Variants in DOCK3 observed in about 807,000 individuals in gnomAD.
DOCK3 encodes dedicator of cytokinesis 3, also known as dedicator of cytokinesis protein 3.
In DOCK3, 60 loss-of-function variants were observed where a neutral mutation model predicts 265.6. The ratio of observed to expected loss-of-function variants is 0.23; its 90% confidence interval spans 0.18 to 0.28. The LOEUF is 0.28. Ranked by LOEUF, DOCK3 falls within the 10% of genes least tolerant of loss-of-function variation. DOCK3 has a pLI of 1.00. For synonymous variants in DOCK3, 881 were observed against 938.0 expected (o/e 0.94, Z 1.11); for missense variants, 1,981 against 2,594.3 (o/e 0.76, Z 5.14).
rs752106915 is a variant in DOCK3, at chr3:51,357,847, T to C, written c.4767+6T>C. 6.2e-7 allele frequency: 1 copy of C among 1,613,962 alleles called. No individual in the cohort carries two copies. The highest frequency in any genetic ancestry group is 1.3e-5 in the African/African-American group (1 of 75,014). ...AGGAGCTTATGCAGGAGCAGGTATG[T>C]CTTGGAGGGCTTGGGAACCAGCAGC... On this transcript the variant is annotated splice_donor_region_variant and intron_variant, in intron 45 of 52. Transcript: ENST00000266037.
At chr3:51,297,929 T>G (rs979375542) in intron 27 of DOCK3, among the ~76,000 whole-genome samples, 12 of 152,050 alleles carry the variant, frequency 7.9e-5, no homozygotes, top group Non-Finnish European at 1.6e-4. Flanking sequence ...GATGCTACAG[T>G]GAACTATGAT....
intron 5 of DOCK3, among the ~76,000 whole-genome samples, chr3:50,983,998 C>T (rs567509065): frequency 2.0e-5 from 3 of 152,316 alleles, no homozygotes; most frequent in African/African-American, 7.2e-5. Flanking sequence ...GGTCCAGCCA[C>T]AGCCTCATGG....
intron 16 of DOCK3, 33 bp from the exon 17 acceptor site, chr3:51,227,949 C>CA (rs1240969030): frequency 6.2e-7 from 1 of 1,606,884 alleles, no homozygotes; most frequent in Non-Finnish European, 8.5e-7. Context: ...GAGTGGAAGG[C>CA]AAAAAACAAC....
chr3:50,811,422 A>G (rs1202213797), intron 2 of DOCK3, among the ~76,000 whole-genome samples: 1 of 152,068 alleles, frequency 6.6e-6, no homozygotes, highest in Non-Finnish European at 1.5e-5. Flanking sequence ...GAAGGAAGGG[A>G]AGGAGGGAGG....
intron 5 of DOCK3, among the ~76,000 whole-genome samples, chr3:50,951,407 C>A (rs1268332169): frequency 6.6e-6 from 1 of 152,156 alleles, no homozygotes; most frequent in African/African-American, 2.4e-5. Flanking sequence ...ATTTGGCTTC[C>A]TGTGAGTTCA....
intron 4 of DOCK3, among the ~76,000 whole-genome samples, chr3:50,923,120 T>G (rs1310737153): frequency 6.6e-6 from 1 of 152,242 alleles, no homozygotes; most frequent in Non-Finnish European, 1.5e-5. Context: ...GTCTGAGTAG[T>G]CTTCCATCAT....
intron 1 of DOCK3, among the ~76,000 whole-genome samples, chr3:50,729,824 ATTTTT>A (rs60842906): frequency 2.8e-5 from 3 of 109,046 alleles, no homozygotes; most frequent in Admixed American, 9.6e-5. Context: ...TCTGAATTTC[ATTTTT>A]TTTTTTTTTT....
intron 14 of DOCK3, among the ~76,000 whole-genome samples, chr3:51,219,335 G>T (rs1297424344): frequency 6.6e-6 from 1 of 152,088 alleles, no homozygotes; most frequent in Non-Finnish European, 1.5e-5. Flanking sequence ...TGCCTGCTTT[G>T]TTCTCATCTT....
chr3:50,774,207 C>T (rs1392061223), intron 1 of DOCK3, among the ~76,000 whole-genome samples: 2 of 151,952 alleles, frequency 1.3e-5, no homozygotes, highest in African/African-American at 4.8e-5. Context: ...CTCCTTCATC[C>T]TTTGCATTTT....
chr3:51,336,847 GA>G (rs1560459793), intron 35 of DOCK3: 1 of 456,048 alleles, frequency 2.2e-6, no homozygotes, highest in Non-Finnish European at 4.4e-6. Flanking sequence ...AAATGTTTCA[GA>G]TGCTTTATAG....
chr3:50,754,157 CAAAAA>C (rs71084110), intron 1 of DOCK3, among the ~76,000 whole-genome samples: 2 of 61,574 alleles, frequency 3.2e-5, no homozygotes, highest in East Asian at 7.6e-4. Flanking sequence ...GACTCTGTCT[CAAAAA>C]AAAAAAAAAA....
At chr3:50,872,917 A>C (rs554983161) in intron 3 of DOCK3, among the ~76,000 whole-genome samples, 9 of 152,280 alleles carry the variant, frequency 5.9e-5, no homozygotes, top group Admixed American at 3.9e-4. Context: ...CTGGCCTGGG[A>C]ATCACCTTCA....
At chr3:50,803,697 G>T (rs942340288) in intron 2 of DOCK3, among the ~76,000 whole-genome samples, 3 of 151,590 alleles carry the variant, frequency 2.0e-5, no homozygotes, top group Non-Finnish European at 2.9e-5. Flanking sequence ...TACCAGGCGG[G>T]GGCTGCCCCC....
intron 5 of DOCK3, among the ~76,000 whole-genome samples, chr3:51,022,563 A>G (rs532639429): frequency 1.3e-5 from 2 of 152,336 alleles, no homozygotes; most frequent in Admixed American, 1.3e-4. Context: ...AGCGTACACA[A>G]TAGTTAACAT....
intron 5 of DOCK3, among the ~76,000 whole-genome samples, chr3:51,056,134 T>A (rs2081193003): frequency 6.6e-6 from 1 of 152,258 alleles, no homozygotes; most frequent in Non-Finnish European, 1.5e-5. Flanking sequence ...GTTTAGATAC[T>A]GTTTTGTTTC....
At chr3:50,796,310 C>T (rs189478193) in intron 2 of DOCK3, among the ~76,000 whole-genome samples, 1 of 151,774 alleles carries the variant, frequency 6.6e-6, no homozygotes, top group Non-Finnish European at 1.5e-5. Flanking sequence ...GGATTACAGG[C>T]GTGAGCCACC....
chr3:50,978,782 C>G (rs1559891286), intron 5 of DOCK3, among the ~76,000 whole-genome samples: 2 of 152,302 alleles, frequency 1.3e-5, no homozygotes, highest in South Asian at 4.1e-4. Flanking sequence ...AACTGCTGTG[C>G]TAGCAATCAG....
intron 12 of DOCK3, among the ~76,000 whole-genome samples, chr3:51,173,963 CAT>C (rs1460685047): frequency 6.6e-6 from 1 of 152,146 alleles, no homozygotes; most frequent in Admixed American, 6.5e-5. Flanking sequence ...CCGTAAGTCT[CAT>C]ATGCTTTATT....
At chr3:51,298,030 TATTA>T (rs900327971) in intron 27 of DOCK3, among the ~76,000 whole-genome samples, 1 of 152,180 alleles carries the variant, frequency 6.6e-6, no homozygotes, top group Non-Finnish European at 1.5e-5. Flanking sequence ...CAAATATTGG[TATTA>T]ATTCTTTAAA....
Sources: allele counts gnomAD v4.1 joint callset (sites outside exome capture counted in the v4.1 genomes callset), GRCh38; gene constraint gnomAD v4.1.1; transcripts MANE v1.5; gene names NCBI Gene and HGNC (gene_info 2026-07-23, HGNC 2026-07-21).